The following NKAIN2 variants were observed in gnomAD, a reference collection of about 807,000 sequenced individuals.
The protein encoded by NKAIN2 is sodium/potassium-transporting ATPase subunit beta-1-interacting protein 2.
NKAIN2 carries 14 observed loss-of-function variants against 32.6 expected under a neutral mutation model. The ratio of observed to expected loss-of-function variants is 0.43; its 90% CI spans 0.28 to 0.67. The LOEUF is 0.67. Ranked by LOEUF, NKAIN2 falls within the 30% of genes least tolerant of loss-of-function variation. The probability of loss-of-function intolerance (pLI) is 0.17; values close to 1 mark genes in which losing one functional copy is unlikely to be tolerated. For missense variants in NKAIN2, 198 were observed against 258.3 expected (o/e 0.77, Z 1.60); for synonymous variants, 80 against 87.2 (o/e 0.92, Z 0.46).
At chr6:124,084,620 C>T (rs1784112572) in intron 1 of NKAIN2, among the ~76,000 whole-genome samples, 1 of 151,948 alleles carries the variant, frequency 6.6e-6, no homozygotes, top group South Asian at 2.1e-4. Flanking sequence ...AGTGCTTTCC[C>T]ATGTGCTACC....
intron 3 of NKAIN2, among the ~76,000 whole-genome samples, chr6:124,545,380 A>G (rs1335768936): frequency 6.6e-6 from 1 of 152,122 alleles, no homozygotes; most frequent in African/African-American, 2.4e-5. Context: ...CCATAAAGAC[A>G]AGCCATAGAT....
intron 3 of NKAIN2, among the ~76,000 whole-genome samples, chr6:124,552,408 A>G (rs1170198414): frequency 1.3e-5 from 2 of 152,178 alleles, no homozygotes; most frequent in African/African-American, 4.8e-5. Flanking sequence ...GTGAAGTTGG[A>G]GCAATCTTCA....
At chr6:124,036,656 G>A (rs987645303) in intron 1 of NKAIN2, among the ~76,000 whole-genome samples, 6 of 152,020 alleles carry the variant, frequency 3.9e-5, no homozygotes, top group Non-Finnish European at 7.4e-5. Context: ...ATATTTTACA[G>A]TCCCAACAGC....
intron 1 of NKAIN2, among the ~76,000 whole-genome samples, chr6:124,186,599 C>G (rs879570658): frequency 1.3e-5 from 2 of 152,146 alleles, no homozygotes; most frequent in Admixed American, 6.5e-5. Flanking sequence ...TCAAGTGAAG[C>G]ATTTGAAAGT....
chr6:124,500,898 A>G (rs1778265207), intron 3 of NKAIN2, among the ~76,000 whole-genome samples: 1 of 152,152 alleles, frequency 6.6e-6, no homozygotes. Flanking sequence ...GAGCTCATGA[A>G]AACAGAGGCC....
At chr6:124,652,244 T>C (rs886441172) in intron 3 of NKAIN2, among the ~76,000 whole-genome samples, 4 of 152,206 alleles carry the variant, frequency 2.6e-5, no homozygotes, top group Admixed American at 1.3e-4. Context: ...AAAAGATGTT[T>C]CCCATCTCCA....
intron 4 of NKAIN2, among the ~76,000 whole-genome samples, chr6:124,672,572 T>G (rs1241136599): frequency 6.6e-6 from 1 of 152,068 alleles, no homozygotes; most frequent in Non-Finnish European, 1.5e-5. Context: ...TCTTTATTTT[T>G]CATAAAAAGA....
intron 1 of NKAIN2, among the ~76,000 whole-genome samples, chr6:124,166,643 G>T (rs889995207): frequency 2.0e-5 from 3 of 151,872 alleles, no homozygotes; most frequent in African/African-American, 7.3e-5. Context: ...GGGTTTTTAT[G>T]GTTTTAGGTC....
Position 124,174,209 on chromosome 6 carries a change from C to G in NKAIN2, c.55-108796C>G, listed in dbSNP as rs116626826. On this transcript the variant is annotated intron_variant, in intron 1 of 6. Transcript: ENST00000368417. ...GAAACTTACTTAAGAGAACTCCCAC[C>G]AAACAGCAGTAGTTAGAATTCAAAA... Among the ~76,000 whole-genome samples the G allele has an allele frequency of 2.3e-3, 350 of 152,184 alleles. 1 individual carries two copies. The highest frequency in any genetic ancestry group is 7.6e-3 in the African/African-American group (316 of 41,538).
chr6:124,318,354 T>C (rs1175335787), intron 2 of NKAIN2, among the ~76,000 whole-genome samples: 1 of 151,992 alleles, frequency 6.6e-6, no homozygotes, highest in Admixed American at 6.6e-5. Flanking sequence ...GGGAGTTTTA[T>C]GTCTGTTGGT....
intron 1 of NKAIN2, among the ~76,000 whole-genome samples, chr6:123,997,825 G>A (rs1455817279): frequency 2.0e-5 from 3 of 151,854 alleles, no homozygotes; most frequent in Admixed American, 6.6e-5. Context: ...GGATGGTCTC[G>A]ATCTTCTGAC....
At chr6:123,992,459 A>G (rs923318001) in intron 1 of NKAIN2, among the ~76,000 whole-genome samples, 2 of 152,204 alleles carry the variant, frequency 1.3e-5, no homozygotes, top group Admixed American at 6.6e-5. Flanking sequence ...GGAATATTTC[A>G]GGGTTGCTAG....
intron 1 of NKAIN2, among the ~76,000 whole-genome samples, chr6:124,104,309 T>C (rs1438845506): frequency 6.6e-6 from 1 of 152,136 alleles, no homozygotes; most frequent in Non-Finnish European, 1.5e-5. Context: ...GGCCATGTCA[T>C]GTGGCTTTAT....
chr6:123,821,398 G>A lies in NKAIN2; in HGVS notation c.54+17144G>A, dbSNP rs532149873. The stretch of plus-strand genomic sequence containing the variant: ...GTTGATGTAAGATGCTGCTCAAATG[G>A]ACAGTGCAAAGGGAATCATTGTCCC... On this transcript the variant is annotated intron_variant, in intron 1 of 6. Coordinates refer to ENST00000368417, the MANE Select transcript of NKAIN2 (RefSeq NM_001040214.3). Among the ~76,000 whole-genome samples, 17 of 152,282 alleles carry A rather than the reference G, an allele frequency of 1.1e-4. No individual in the cohort carries two copies. The South Asian group carries it at 3.3e-3, about 30-fold the overall frequency.
chr6:124,789,326 G>A (rs1300150079), intron 4 of NKAIN2, among the ~76,000 whole-genome samples: 1 of 151,998 alleles, frequency 6.6e-6, no homozygotes, highest in Non-Finnish European at 1.5e-5. Context: ...AATTTAATAA[G>A]CATTTAACAC....
intron 5 of NKAIN2, among the ~76,000 whole-genome samples, chr6:124,801,421 C>T (rs1220193131): frequency 3.9e-5 from 6 of 152,168 alleles, no homozygotes; most frequent in Admixed American, 3.9e-4. Context: ...GAAAGGGACA[C>T]TCAAATTGAC....
At chr6:124,798,551 C>T (rs188569570) in intron 5 of NKAIN2, among the ~76,000 whole-genome samples, 1 of 152,222 alleles carries the variant, frequency 6.6e-6, no homozygotes, top group Admixed American at 6.5e-5. Flanking sequence ...CCTACAGAAT[C>T]CTAGTGGGGC....
intron 3 of NKAIN2, among the ~76,000 whole-genome samples, chr6:124,577,348 AC>A (rs1043483204): frequency 3.3e-5 from 5 of 151,468 alleles, no homozygotes; most frequent in African/African-American, 9.7e-5. Context: ...CCCCTCCTGC[AC>A]CCCCCAGCAG....
At chr6:124,064,707 T>G (rs1434045425) in intron 1 of NKAIN2, among the ~76,000 whole-genome samples, 3 of 152,304 alleles carry the variant, frequency 2.0e-5, no homozygotes, top group Non-Finnish European at 2.9e-5. Context: ...TAATATATAA[T>G]TATAGTGTCG....
Sources: gnomAD v4.1 joint callset for allele counts (sites outside exome capture counted in the v4.1 genomes callset) on GRCh38, gnomAD v4.1.1 for gene constraint, MANE v1.5 for transcripts, NCBI Gene and HGNC (gene_info 2026-07-23, HGNC 2026-07-21) for gene names.